The following DPP6 variants were observed in gnomAD, a reference collection of about 807,000 sequenced individuals.
The protein encoded by DPP6 is dipeptidyl peptidase like 6, also known as A-type potassium channel modulatory protein DPP6.
A neutral mutation model predicts 122.6 loss-of-function variants in DPP6; 69 were observed. The observed-to-expected ratio is 0.56, with a 90% CI of 0.46 to 0.69. The LOEUF (loss-of-function observed/expected upper bound fraction) is 0.69, where lower values mean the gene tolerates loss of function less well. DPP6 is among the 30% of genes least tolerant of loss of function. The probability of loss-of-function intolerance (pLI) is 0.00; values close to 1 mark genes in which losing one functional copy is unlikely to be tolerated. For missense variants in DPP6, 928 were observed against 1,116.9 expected, an observed-to-expected ratio of 0.83 and a Z score of 2.41; for synonymous variants, 418 against 433.1, an observed-to-expected ratio of 0.97 and a Z score of 0.43.
chr7:153,923,964 C>G (rs1211712214), intron 1 of DPP6, among the ~76,000 whole-genome samples: 1 of 151,894 alleles, frequency 6.6e-6, no homozygotes, highest in Non-Finnish European at 1.5e-5. Flanking sequence ...TAAATATCAC[C>G]AGGCACACAA....
chr7:154,568,020 A>G (rs1246778908), intron 5 of DPP6, among the ~76,000 whole-genome samples: 1 of 152,196 alleles, frequency 6.6e-6, no homozygotes, highest in African/African-American at 2.4e-5. Flanking sequence ...TCCATTCTAT[A>G]AAGGTTTTCA....
intron 1 of DPP6, among the ~76,000 whole-genome samples, chr7:153,958,395 C>T (rs115841185): frequency 0.14 from 21,917 of 151,974 alleles, 2,600 homozygotes; most frequent in East Asian, 0.45. Context: ...CATGCAGGAG[C>T]TGTTGCGGTT....
At chr7:154,492,516 A>G (rs1245768447) in intron 3 of DPP6, among the ~76,000 whole-genome samples, 1 of 152,180 alleles carries the variant, frequency 6.6e-6, no homozygotes, top group Non-Finnish European at 1.5e-5. Context: ...TCTGGAGCTC[A>G]CACTCGTTCA....
chr7:154,674,041 A>G (rs1838739899), intron 7 of DPP6, among the ~76,000 whole-genome samples: 1 of 152,004 alleles, frequency 6.6e-6, no homozygotes, highest in African/African-American at 2.4e-5. Flanking sequence ...ATACGTGGCT[A>G]ATTTTTGTGT....
intron 1 of DPP6, among the ~76,000 whole-genome samples, chr7:154,192,410 T>C (rs1166729051): frequency 6.6e-6 from 1 of 152,254 alleles, no homozygotes; most frequent in East Asian, 1.9e-4. Flanking sequence ...ACCTTCCAGT[T>C]CCTTCACTGC....
intron 1 of DPP6, among the ~76,000 whole-genome samples, chr7:154,005,145 A>G (rs1797858987): frequency 6.6e-6 from 1 of 151,762 alleles, no homozygotes; most frequent in Admixed American, 6.5e-5. Flanking sequence ...CAAACAATTG[A>G]AAGAAGCCAA....
intron 1 of DPP6, among the ~76,000 whole-genome samples, chr7:154,097,961 C>T (rs560874040): frequency 5.9e-5 from 9 of 152,292 alleles, no homozygotes; most frequent in African/African-American, 2.2e-4. Context: ...GGGTTGTGCT[C>T]GCTCACTTCT....
At chr7:154,721,401 G>A (rs561867676) in intron 7 of DPP6, among the ~76,000 whole-genome samples, 1 of 152,274 alleles carries the variant, frequency 6.6e-6, no homozygotes, top group African/African-American at 2.4e-5. Context: ...TACAAAGCAG[G>A]AATGATAGTA....
At chr7:153,988,466 C>T (rs540146912) in intron 1 of DPP6, among the ~76,000 whole-genome samples, 102 of 152,230 alleles carry the variant, frequency 6.7e-4, no homozygotes, top group African/African-American at 1.4e-3. Flanking sequence ...ACAGTGTTAC[C>T]ATTATTCATT....
At chr7:154,017,940 T>A (rs1798509725) in intron 1 of DPP6, among the ~76,000 whole-genome samples, 1 of 152,178 alleles carries the variant, frequency 6.6e-6, no homozygotes, top group African/African-American at 2.4e-5. Context: ...AAATGTTATG[T>A]TTATTTTATA....
chr7:153,785,441 T>C, the DPP6 span, among the ~76,000 whole-genome samples: 4 of 152,210 alleles, frequency 2.6e-5, no homozygotes, highest in Admixed American at 6.5e-5. Context: ...TAGTATTTTA[T>C]AGGGGTAATC....
intron 3 of DPP6, among the ~76,000 whole-genome samples, chr7:154,519,961 CAATT>C (rs893933048): frequency 6.6e-6 from 1 of 152,160 alleles, no homozygotes; most frequent in Non-Finnish European, 1.5e-5. Context: ...TAGCTGATCT[CAATT>C]AATCAGCACA....
At chr7:154,217,429 G>A (rs1046098878) in intron 1 of DPP6, among the ~76,000 whole-genome samples, 2 of 152,174 alleles carry the variant, frequency 1.3e-5, no homozygotes. Context: ...AAGTGCTTTT[G>A]TCAACTGCAA....
At chr7:153,774,483 G>A in the DPP6 span, among the ~76,000 whole-genome samples, 2 of 152,160 alleles carry the variant, frequency 1.3e-5, no homozygotes, top group South Asian at 4.1e-4. Flanking sequence ...AATAAAATTT[G>A]CGGATTCCTT....
chr7:154,415,747 C>T (rs763072776), intron 1 of DPP6, among the ~76,000 whole-genome samples: 29 of 148,910 alleles, frequency 1.9e-4, no homozygotes, highest in Non-Finnish European at 3.0e-4. Flanking sequence ...CATTTTCTGG[C>T]CAGGCTGGAG....
intron 1 of DPP6, among the ~76,000 whole-genome samples, chr7:154,373,911 G>A (rs1812891617): frequency 6.6e-6 from 1 of 152,190 alleles, no homozygotes; most frequent in Admixed American, 6.5e-5. Context: ...ATTATTCCGT[G>A]TAGCATAACA....
At chr7:154,287,965 A>G (rs978362158) in intron 1 of DPP6, among the ~76,000 whole-genome samples, 6 of 152,212 alleles carry the variant, frequency 3.9e-5, no homozygotes, top group Non-Finnish European at 8.8e-5. Flanking sequence ...TCTTCTACAG[A>G]AAATAAGTCC....
intron 5 of DPP6, among the ~76,000 whole-genome samples, chr7:154,593,187 T>G (rs1832905237): frequency 2.6e-5 from 4 of 152,276 alleles, no homozygotes; most frequent in Admixed American, 6.5e-5. Context: ...ACGACCGTAT[T>G]TACATCAGGC....
At chr7:154,294,238 A>C (rs1190541291) in intron 1 of DPP6, among the ~76,000 whole-genome samples, 1 of 152,154 alleles carries the variant, frequency 6.6e-6, no homozygotes, top group African/African-American at 2.4e-5. Flanking sequence ...AGCCTGGGGT[A>C]GGAGGTGACA....
Sources: gnomAD v4.1 joint callset for allele counts (sites outside exome capture counted in the v4.1 genomes callset) on GRCh38, gnomAD v4.1.1 for gene constraint, MANE v1.5 for transcripts, NCBI Gene and HGNC (gene_info 2026-07-23, HGNC 2026-07-21) for gene names.